Variants in XDH observed in about 807,000 individuals in gnomAD.
The protein encoded by XDH is xanthine dehydrogenase.
In XDH, 138 loss-of-function variants were observed where a neutral mutation model predicts 156.1. That is an observed-to-expected ratio of 0.88 (90% confidence interval 0.77 to 1.02). The LOEUF is 1.02. XDH is among the 50% of genes least tolerant of loss of function. The probability of loss-of-function intolerance (pLI) is 0.00; values close to 1 mark genes in which losing one functional copy is unlikely to be tolerated. For missense variants in XDH, 1,849 were observed against 1,684.9 expected (o/e 1.10, Z -1.71); for synonymous variants, 669 against 625.7 (o/e 1.07, Z -1.03).
rs148292462 is a variant in XDH at position 31,392,143 on chromosome 2, T to C, written c.496-3848A>G. On this transcript the variant is annotated intron_variant, in intron 6 of 35. Transcript: ENST00000379416. Reference sequence around the variant, plus strand: ...ATCCATTTAATGTACATGAGCTCTATAGTGAGATCTTTTTATTTTGATATT... The same window carrying C: ...ATCCATTTAATGTACATGAGCTCTACAGTGAGATCTTTTTATTTTGATATT... 1.5e-3 allele frequency among the ~76,000 whole-genome samples: 231 copies of C among 152,240 alleles called. 1 individual carries two copies. The highest frequency in any genetic ancestry group is 4.0e-3 in the Admixed American group (61 of 15,296).
At chr2:31,351,027 T>C (rs908289134) in intron 24 of XDH, among the ~76,000 whole-genome samples, 4 of 152,230 alleles carry the variant, frequency 2.6e-5, no homozygotes, top group Non-Finnish European at 4.4e-5. Flanking sequence ...TACATTGCTA[T>C]GTCTTGACTT....
chr2:31,379,025 C>G (rs1418602136), intron 13 of XDH, among the ~76,000 whole-genome samples: 2 of 152,136 alleles, frequency 1.3e-5, no homozygotes, highest in African/African-American at 2.4e-5. Flanking sequence ...GCAAAACATG[C>G]CTTAGAACAC....
At position 31,368,603 on chromosome 2, in the gene XDH, G is replaced by C; in HGVS notation, c.2038C>G (p.Gln680Glu). 1 of 1,614,194 alleles carries C rather than the reference G, an allele frequency of 6.2e-7. No homozygotes were observed. Among genetic ancestry groups the C allele is most frequent in the Non-Finnish European group, 8.5e-7 (1 of 1,180,030 alleles). Residue 680 changes from glutamine (Q) to glutamate (E), a missense_variant, in exon 19 of 36, where the codon CAG (glutamine) becomes GAG (glutamate). By Grantham distance (29) the Gln-to-Glu change is conservative. Transcript: ENST00000379416. ...ATTTTCACCCCTTGGGCAGCTCTCTGTGTGTGTTCCGGGGTGTCAGCAACC... is the reference window on the plus strand; with the variant it reads ...ATTTTCACCCCTTGGGCAGCTCTCTCTGTGTGTTCCGGGGTGTCAGCAACC... ...AVVADTPEHT[Q>E]RAAQGVKITY...
rs1650389604 is a variant in XDH, at chr2:31,335,973, C to G, written c.3987G>C (p.Trp1329Cys). ...GACTCTCTCTTTAGACCCTCACAGA[C>G]CAGGGTTTGCAGTTTTCTGGGACAC... ...VTGVPENCKP[W>C]SVRV The change falls in exon 36 of 36, where the codon TGG becomes TGC. Residue 1329 changes from tryptophan (W) to cysteine (C), a missense_variant. Coordinates refer to ENST00000379416, the MANE Select transcript of XDH (RefSeq NM_000379.4). 4 of 1,614,058 alleles carry G rather than the reference C, an allele frequency of 2.5e-6. No homozygotes were observed. The highest frequency in any genetic ancestry group is 1.7e-5 in the Admixed American group (1 of 60,008).
At chr2:31,389,902 G>T (rs1485093102) in intron 6 of XDH, among the ~76,000 whole-genome samples, 2 of 151,862 alleles carry the variant, frequency 1.3e-5, no homozygotes, top group Admixed American at 6.6e-5. Flanking sequence ...CTGAGTGGAA[G>T]ATGTAGAGAA....
rs1208434259 is a variant in XDH, at chr2:31,381,745, A to G, written c.1039-19T>C. ...CAACGGACTAAAACAAGCAGAGAGCATGCAGTGAGAGCCCACCCCAGGAAA... is the reference window on the plus strand; with the variant it reads ...CAACGGACTAAAACAAGCAGAGAGCGTGCAGTGAGAGCCCACCCCAGGAAA... On this transcript the variant is annotated intron_variant, in intron 11 of 35. Transcript: ENST00000379416. The G allele has an allele frequency of 3.1e-6, 5 of 1,605,010 alleles. No individual in the cohort carries two copies. In the South Asian group the frequency reaches 5.6e-5, roughly 18 times the overall value.
chr2:31,373,369 C>T (rs1686130287), intron 16 of XDH, among the ~76,000 whole-genome samples: 1 of 152,174 alleles, frequency 6.6e-6, no homozygotes, highest in South Asian at 2.1e-4. Context: ...TGGAAGGCAA[C>T]ACACTCATTC....
chr2:31,381,081 C>T lies in XDH; in HGVS notation c.1132+552G>A, dbSNP rs140825413. On this transcript the variant is annotated intron_variant, in intron 12 of 35. Coordinates refer to ENST00000379416, the MANE Select transcript of XDH (RefSeq NM_000379.4). Reference sequence around the variant, plus strand: ...TGAGATCTCGGCTCACTGCAACCTCCGCTTCCCAGGTTCAAGTGATTCTCT... The same window carrying T: ...TGAGATCTCGGCTCACTGCAACCTCTGCTTCCCAGGTTCAAGTGATTCTCT... Among the ~76,000 whole-genome samples the T allele has an allele frequency of 2.1e-3, 313 of 150,266 alleles. 1 individual carries two copies. Among genetic ancestry groups the T allele is most frequent in the African/African-American group, 5.0e-3 (203 of 40,732 alleles).
intron 6 of XDH, 106 bp from the exon 7 acceptor site, chr2:31,388,401 TC>T: frequency 7.8e-7 from 1 of 1,278,778 alleles, no homozygotes; most frequent in Non-Finnish European, 1.1e-6. Flanking sequence ...CTGACGCCTG[TC>T]CCAGCATCAA....
At chr2:31,413,360 T>A (rs1348113568) in intron 1 of XDH, among the ~76,000 whole-genome samples, 2 of 152,208 alleles carry the variant, frequency 1.3e-5, no homozygotes, top group Non-Finnish European at 2.9e-5. Context: ...TTTGCCCTAC[T>A]TCTTGGGTTG....
chr2:31,385,401 G>T (rs551197166), intron 9 of XDH, among the ~76,000 whole-genome samples: 2 of 152,092 alleles, frequency 1.3e-5, no homozygotes, highest in Non-Finnish European at 2.9e-5. Flanking sequence ...CACGAGGGAG[G>T]CGTCCATTCT....
intron 10 of XDH, 135 bp downstream of exon 10, chr2:31,383,620 G>C: frequency 1.2e-6 from 1 of 838,444 alleles, no homozygotes; most frequent in Non-Finnish European, 2.0e-6. Context: ...GCCTTTCCCT[G>C]TGCAAGGTGA....
At chr2:31,359,095 T>C (rs1685706244) in intron 24 of XDH, among the ~76,000 whole-genome samples, 2 of 152,066 alleles carry the variant, frequency 1.3e-5, no homozygotes. Flanking sequence ...GAAATCACAA[T>C]GAGCTATCAC....
rs548116878 is a variant in XDH at position 31,378,672 on chromosome 2, C to A, written c.1242+1195G>T. Among the ~76,000 whole-genome samples the A allele has an allele frequency of 2.1e-5, 3 of 144,468 alleles. No individual in the cohort carries two copies. In the Admixed American group the frequency reaches 2.1e-4, roughly 10 times the overall value. 94.8% of individuals were successfully genotyped at this position (144,468 alleles called of 152,430 possible). ...CTGTGCCCATCCACGGGGACATTCT[C>A]GCTGGGGTACAGTGAACTGTCAGTG... On this transcript the variant is annotated intron_variant, in intron 13 of 35. Coordinates refer to ENST00000379416, the MANE Select transcript of XDH (RefSeq NM_000379.4).
intron 1 of XDH, among the ~76,000 whole-genome samples, chr2:31,414,305 C>T (rs910121303): frequency 3.3e-5 from 5 of 151,812 alleles, no homozygotes; most frequent in Non-Finnish European, 7.4e-5. Context: ...CAAATCTCAC[C>T]TAGAACTCAA....
chr2:31,383,191 C>T (rs1436288834), intron 10 of XDH, 39 bp from the exon 11 acceptor site: 1 of 1,613,910 alleles, frequency 6.2e-7, no homozygotes, highest in Non-Finnish European at 8.5e-7. Flanking sequence ...ATTCTTCCCA[C>T]AGTTCAGAAG....
intron 4 of XDH, among the ~76,000 whole-genome samples, chr2:31,400,236 CTTTTT>C (rs34200607): frequency 1.6e-5 from 2 of 124,694 alleles, no homozygotes; most frequent in Non-Finnish European, 3.3e-5. Context: ...CTGGTAACTT[CTTTTT>C]TTTTTTTTTT....
chr2:31,373,879 G>C lies in XDH; in HGVS notation c.1680C>G (p.Leu560=). 1.2e-6 allele frequency: 2 copies of C among 1,613,824 alleles called. No individual in the cohort carries two copies. The highest frequency in any genetic ancestry group is 1.7e-6 in the Non-Finnish European group (2 of 1,179,802). The change falls in exon 16 of 36, where the codon CTC becomes CTG. Residue 560 remains leucine, a synonymous_variant. Transcript: ENST00000379416. Reference sequence around the variant, plus strand: ...ATACACTGACCGTACTCACTTGGAAGAGCTGGACATCGGCTGGGGGGTCTT... The same window carrying C: ...ATACACTGACCGTACTCACTTGGAACAGCTGGACATCGGCTGGGGGGTCTT... The part of the protein sequence containing the change: ...FQKDPPADVQ[L]FQEVPKGQSE...
intron 31 of XDH, 91 bp downstream of exon 31, chr2:31,344,593 C>A: frequency 3.4e-6 from 5 of 1,474,522 alleles, no homozygotes; most frequent in Non-Finnish European, 4.7e-6. Flanking sequence ...TCTCTCCTGA[C>A]CACAGCCTGG....
Sources: gnomAD v4.1 joint callset for allele counts (sites outside exome capture counted in the v4.1 genomes callset) on GRCh38, gnomAD v4.1.1 for gene constraint, MANE v1.5 for transcripts, NCBI Gene and HGNC (gene_info 2026-07-23, HGNC 2026-07-21) for gene names.